ZMYM2: variants seen among roughly 807,000 people sequenced by gnomAD.
ZMYM2 encodes zinc finger MYM-type protein 2.
A neutral mutation model predicts 162.8 loss-of-function variants in ZMYM2; 56 were observed. The observed-to-expected ratio is 0.34, with a 90% confidence interval of 0.28 to 0.43. ZMYM2 has a LOEUF of 0.43. Among genes scored for constraint, ZMYM2 ranks in the 20% least tolerant of loss-of-function variants. The probability of loss-of-function intolerance (pLI) is 1.00; values close to 1 mark genes in which losing one functional copy is unlikely to be tolerated. For missense variants in ZMYM2, 1,275 were observed against 1,621.8 expected, an observed-to-expected ratio of 0.79 and a Z score of 3.67; for synonymous variants, 510 against 541.6, an observed-to-expected ratio of 0.94 and a Z score of 0.81.
chr13:19,950,182 C>A, the ZMYM2 span, among the ~76,000 whole-genome samples: 1 of 151,244 alleles, frequency 6.6e-6, no homozygotes, highest in Non-Finnish European at 1.5e-5. Flanking sequence ...ACTTAGGAGG[C>A]TGAAATAAAT....
intron 2 of ZMYM2, among the ~76,000 whole-genome samples, chr13:19,971,256 ATATATATTT>A (rs1219380657): frequency 1.9e-4 from 19 of 99,486 alleles, no homozygotes; most frequent in Non-Finnish European, 2.9e-4. Flanking sequence ...ATATATATAT[ATATATATTT>A]TTTTTTTTTT....
At chr13:19,958,475 G>A (rs541530501), upstream of ZMYM2, among the ~76,000 whole-genome samples, 15 of 151,884 alleles carry the variant, frequency 9.9e-5, no homozygotes, top group South Asian at 2.7e-3. Flanking sequence ...GGGGGCGGGG[G>A]ACCGGCGGGG....
rs544572578 is a variant in ZMYM2, at chr13:20,087,489, G to A, written c.*1475G>A. 5.3e-6 allele frequency: 1 copy of A among 187,504 alleles called. No homozygotes were observed. The highest frequency in any genetic ancestry group is 8.5e-5 in the East Asian group (1 of 11,716). 11.6% of individuals were successfully genotyped at this position (187,504 alleles called of 1,614,324 possible). On this transcript the variant is annotated 3_prime_UTR_variant, in exon 25 of 25. Transcript: ENST00000610343. ...AGCATTAGTGTTTAGAAATTGTTCAGGGGAAAATTGAGCTATTTTCCATAG... is the reference window on the plus strand; with the variant it reads ...AGCATTAGTGTTTAGAAATTGTTCAAGGGAAAATTGAGCTATTTTCCATAG...
At chr13:20,022,141 A>G (rs561050314) in intron 7 of ZMYM2, among the ~76,000 whole-genome samples, 54 of 152,184 alleles carry the variant, frequency 3.5e-4, no homozygotes, top group African/African-American at 1.3e-3. Flanking sequence ...GTGTGTGTCT[A>G]ATTTTCTAGT....
intron 12 of ZMYM2, among the ~76,000 whole-genome samples, chr13:20,042,943 C>T (rs900067904): frequency 3.3e-5 from 5 of 152,044 alleles, no homozygotes; most frequent in African/African-American, 4.8e-5. Context: ...AAACTGGTCT[C>T]GAACTCCTGA....
intron 6 of ZMYM2, among the ~76,000 whole-genome samples, chr13:20,013,861 C>T (rs550609373): frequency 1.7e-4 from 26 of 151,988 alleles, no homozygotes; most frequent in Non-Finnish European, 2.9e-4. Context: ...CATCTATATT[C>T]TTGTGGGATA....
At chr13:20,062,819 C>T (rs1192699765) in intron 17 of ZMYM2, 27 bp from the exon 18 acceptor site, 9 of 1,514,132 alleles carry the variant, frequency 5.9e-6, no homozygotes, top group Middle Eastern at 1.7e-4. Context: ...TGTTTTGATT[C>T]CTAATGATAA....
At chr13:20,056,235 G>A (rs1955784140) in intron 14 of ZMYM2, among the ~76,000 whole-genome samples, 1 of 152,180 alleles carries the variant, frequency 6.6e-6, no homozygotes, top group Non-Finnish European at 1.5e-5. Context: ...CATTTCCATT[G>A]GAGGTGGGAC....
chr13:20,047,702 A>G (rs924486410), intron 12 of ZMYM2, among the ~76,000 whole-genome samples: 6 of 152,118 alleles, frequency 3.9e-5, no homozygotes, highest in Non-Finnish European at 8.8e-5. Flanking sequence ...TTTACTTGAC[A>G]AGACACTGAA....
At chr13:20,000,523 G>T (rs765522180) in intron 3 of ZMYM2, among the ~76,000 whole-genome samples, 12 of 152,188 alleles carry the variant, frequency 7.9e-5, no homozygotes, top group Non-Finnish European at 1.6e-4. Context: ...AAATTGTAGG[G>T]TCCTTAAGAA....
chr13:19,905,092 A>G, the ZMYM2 span, among the ~76,000 whole-genome samples: 14 of 150,868 alleles, frequency 9.3e-5, no homozygotes, highest in East Asian at 2.2e-3. Flanking sequence ...GCTCACTGCA[A>G]CCTTCGCCTC....
chr13:19,906,535 TA>T, the ZMYM2 span, among the ~76,000 whole-genome samples: 1,159 of 6,516 alleles, frequency 0.18, 19 homozygotes, highest in Non-Finnish European at 0.33. Context: ...TATATATATA[TA>T]TATTTTTTTT....
chr13:20,052,041 A>G (rs972854137), intron 13 of ZMYM2, among the ~76,000 whole-genome samples: 1 of 152,138 alleles, frequency 6.6e-6, no homozygotes, highest in African/African-American at 2.4e-5. Context: ...ATATAATAGT[A>G]TTTCCCCGAA....
chr13:19,999,050 A>G (rs1950209184), intron 3 of ZMYM2, among the ~76,000 whole-genome samples: 1 of 152,206 alleles, frequency 6.6e-6, no homozygotes. Context: ...AGTGCAGCAA[A>G]CTGGAGACTT....
the ZMYM2 span, among the ~76,000 whole-genome samples, chr13:19,927,586 A>C: frequency 6.6e-6 from 1 of 152,182 alleles, no homozygotes; most frequent in Non-Finnish European, 1.5e-5. Flanking sequence ...ATTTGCTGTT[A>C]AGGATGTGGC....
chr13:20,073,408 G>T (rs1307609417), intron 21 of ZMYM2, among the ~76,000 whole-genome samples: 1 of 152,138 alleles, frequency 6.6e-6, no homozygotes, highest in Non-Finnish European at 1.5e-5. Context: ...GTGGGATTGG[G>T]CCCATGGAGC....
chr13:20,086,019 G>A lies in ZMYM2; in HGVS notation c.*5G>A, dbSNP rs199556658. The A allele has an allele frequency of 4.5e-5, 72 of 1,612,040 alleles. No homozygotes were observed. In the African/African-American group the frequency reaches 8.9e-4, roughly 20 times the overall value. ...CTGGATGAAGACACAGACTAAAAAGGAACGTTGCAGAAGCAATCGGGATAA... is the reference window on the plus strand; with the variant it reads ...CTGGATGAAGACACAGACTAAAAAGAAACGTTGCAGAAGCAATCGGGATAA... On this transcript the variant is annotated 3_prime_UTR_variant, in exon 25 of 25. Coordinates refer to ENST00000610343, the MANE Select transcript of ZMYM2 (RefSeq NM_197968.4).
rs754219715 is a variant in ZMYM2 at position 20,058,709 on chromosome 13, C to G, written c.2623+5C>G. 2.5e-6 allele frequency: 4 copies of G among 1,613,006 alleles called. No individual in the cohort carries two copies. The highest frequency in any genetic ancestry group is 4.5e-5 in the East Asian group (2 of 44,816). ...AGACCAAATCTTGTCAGACAGGTAA[C>G]TTAGGACAATGTGACTTACATACTT... On this transcript the variant is annotated splice_donor_5th_base_variant and intron_variant, in intron 15 of 24. Coordinates refer to ENST00000610343, the MANE Select transcript of ZMYM2 (RefSeq NM_197968.4).
intron 6 of ZMYM2, among the ~76,000 whole-genome samples, chr13:20,012,843 A>G (rs1222202008): frequency 6.6e-6 from 1 of 152,184 alleles, no homozygotes; most frequent in Non-Finnish European, 1.5e-5. Flanking sequence ...TATGTGCTGC[A>G]CTATTTTGAT....
Sources: allele counts gnomAD v4.1 joint callset (sites outside exome capture counted in the v4.1 genomes callset), GRCh38; gene constraint gnomAD v4.1.1; transcripts MANE v1.5; gene names NCBI Gene and HGNC (gene_info 2026-07-23, HGNC 2026-07-21).